The following NCOR2 variants were observed in gnomAD, a reference collection of about 807,000 sequenced individuals.
The protein encoded by NCOR2 is CTG repeat protein 26.
Under a neutral mutation model 262.9 loss-of-function variants are expected in NCOR2, and 81 were observed. That is an observed-to-expected ratio of 0.31 (90% CI 0.26 to 0.37). The LOEUF (loss-of-function observed/expected upper bound fraction) is 0.37. NCOR2 is among the 10% of genes least tolerant of loss of function. The pLI, the probability that NCOR2 is intolerant of heterozygous loss-of-function variation, is 1.00. For synonymous variants in NCOR2, 1,659 were observed against 1,559.3 expected (o/e 1.06, Z -1.51); for missense variants, 3,385 against 3,621.4 (o/e 0.93, Z 1.68).
Position 124,337,198 on chromosome 12 carries a change from G to T in NCOR2, c.5688-18C>A. 6.5e-7 allele frequency: 1 copy of T among 1,546,476 alleles called. No homozygotes were observed. Among genetic ancestry groups the T allele is most frequent in the Non-Finnish European group, 8.7e-7 (1 of 1,143,508 alleles). ...AGGTGGACCTGGGGGAGGAGAGAAGGCGGTCAGGCAGTCATGGGAGCTGCC... is the reference window on the plus strand; with the variant it reads ...AGGTGGACCTGGGGGAGGAGAGAAGTCGGTCAGGCAGTCATGGGAGCTGCC... On this transcript the variant is annotated intron_variant, in intron 37 of 46. Coordinates refer to ENST00000405201, the Ensembl canonical transcript of NCOR2.
chr12:124,360,707 C>T (rs1048898605), intron 22 of NCOR2, among the ~76,000 whole-genome samples: 51 of 152,000 alleles, frequency 3.4e-4, no homozygotes, highest in Admixed American at 2.0e-3. Context: ...TCACACACCC[C>T]GAGCGTGTTT....
At chr12:124,335,458 G>A (rs1467320823) in intron 39 of NCOR2, 25 bp downstream of exon 41, 2 of 1,595,308 alleles carry the variant, frequency 1.3e-6, no homozygotes, top group East Asian at 2.2e-5. Context: ...GGGCTTCGGG[G>A]GCCTGGGTAC....
chr12:124,492,380 G>A (rs2048136237), intron 1 of NCOR2, among the ~76,000 whole-genome samples: 1 of 152,196 alleles, frequency 6.6e-6, no homozygotes, highest in East Asian at 1.9e-4. Context: ...GAGAGGGTTC[G>A]AAGCCACACT....
chr12:124,493,783 G>A (rs1395343227), intron 1 of NCOR2, among the ~76,000 whole-genome samples: 1 of 152,184 alleles, frequency 6.6e-6, no homozygotes, highest in African/African-American at 2.4e-5. Context: ...CCCCAGGCAC[G>A]CAGTAGGTGC....
intron 1 of NCOR2, among the ~76,000 whole-genome samples, chr12:124,487,873 TAA>T (rs3040836): frequency 0.46 from 63,003 of 137,504 alleles, 14,603 homozygotes; most frequent in South Asian, 0.53. Context: ...AAACTGTGTT[TAA>T]AAAAAAAAAA....
chr12:124,346,432 C>G, intron 31 of NCOR2, 132 bp downstream of exon 33: 1 of 1,012,484 alleles, frequency 9.9e-7, no homozygotes. Flanking sequence ...CGGTGATGAG[C>G]AGCTGGGTGA....
At chr12:124,418,705 A>C (rs992552115) in intron 13 of NCOR2, among the ~76,000 whole-genome samples, 9 of 152,186 alleles carry the variant, frequency 5.9e-5, no homozygotes, top group Non-Finnish European at 1.2e-4. Context: ...AGGTTTGTCC[A>C]AAGAAGATGG....
In NCOR2 at chr12:124,332,223, C is replaced by T. The variant is rs147451299; in HGVS notation, c.6904+96G>A. The T allele has an allele frequency of 1.2e-3, 1,729 of 1,488,088 alleles. 16 individuals are homozygous for T. The highest frequency in any genetic ancestry group is 0.011 in the Middle Eastern group (48 of 4,442). The allele number at this position is 1,488,088 out of a possible 1,614,324, so 92.2% of individuals were successfully genotyped here. On this transcript the variant is annotated intron_variant, in intron 43 of 46. Coordinates refer to ENST00000405201, the Ensembl canonical transcript of NCOR2. ...GGGCCACTTAGCTTTCGAAGGTGCA[C>T]CGTGGGTTTCTGCCACTGGGCGGCT...
chr12:124,393,679 G>T (rs1434366405), intron 16 of NCOR2, among the ~76,000 whole-genome samples: 2 of 152,242 alleles, frequency 1.3e-5, no homozygotes, highest in African/African-American at 4.8e-5. Context: ...CAAGTAGAGT[G>T]CCTGGGTTCA....
chr12:124,432,324 CCT>C lies in NCOR2; in HGVS notation c.883-1539_883-1538del, dbSNP rs1272538828. Among the ~76,000 whole-genome samples, 1 of 152,202 alleles carries C rather than the reference CCT, an allele frequency of 6.6e-6. No individual in the cohort carries two copies. The highest frequency in any genetic ancestry group is 2.4e-5 in the African/African-American group (1 of 41,436). ...CCCTGAAGAAAACCCACAGACTTCC[CCT>C]GAGGACACGGTCACCTCCCTTCCTG... On this transcript the variant is annotated intron_variant, in intron 8 of 46. Coordinates refer to ENST00000405201, the Ensembl canonical transcript of NCOR2. The surrounding 1 kb of genome is among the most constrained non-coding windows in gnomAD (Gnocchi z 5.1).
upstream of NCOR2, among the ~76,000 whole-genome samples, chr12:124,498,988 C>T (rs1484680308): frequency 6.6e-6 from 1 of 152,162 alleles, no homozygotes; most frequent in Non-Finnish European, 1.5e-5. Flanking sequence ...CAGGGTGAGG[C>T]AGGAATGAGG....
chr12:124,509,058 C>G (rs1052704614), intron 1 of NCOR2, among the ~76,000 whole-genome samples: 1 of 152,152 alleles, frequency 6.6e-6, no homozygotes, highest in Admixed American at 6.5e-5. Flanking sequence ...CAGGCAGGGA[C>G]CCCAACCTGG....
chr12:124,412,194 G>A (rs2042622698), intron 13 of NCOR2, among the ~76,000 whole-genome samples: 1 of 152,246 alleles, frequency 6.6e-6, no homozygotes, highest in South Asian at 2.1e-4. Flanking sequence ...TTTAATCAAG[G>A]ACTTTCATAT....
At chr12:124,561,849 C>T (rs1199235066) in intron 1 of NCOR2, 1 of 152,130 alleles carries the variant, frequency 6.6e-6, no homozygotes, top group Non-Finnish European at 1.5e-5. Context: ...GACTCCATCT[C>T]TACAAAAAAT....
rs534005667 is a variant in NCOR2 at position 124,355,295 on chromosome 12, C to T, written c.3381+137G>A. 67 of 1,112,908 alleles carry T rather than the reference C, an allele frequency of 6.0e-5. No individual in the cohort carries two copies. In the African/African-American group the frequency reaches 1.0e-3, roughly 17 times the overall value. 68.9% of individuals were successfully genotyped at this position (1,112,908 alleles called of 1,614,324 possible). On this transcript the variant is annotated intron_variant, in intron 24 of 46. Transcript: ENST00000405201. ...AGTGCCTGGGGCAGGACCCAGCCAG[C>T]TCAGACCCCAGATGCCTGAGTGGAG... is the stretch of plus-strand genomic sequence containing the variant.
chr12:124,549,780 G>A lies in NCOR2; in HGVS notation c.-164-14169C>T, dbSNP rs143631884. ...TCAAGATAACCTTATCACGTTTCAC[G>A]GAGGGAGAGAGGGCGGCAGGAACGG... On this transcript the variant is annotated intron_variant, in intron 1 of 32. Coordinates refer to the NCOR2 transcript ENST00000458234. The surrounding 1 kb of genome is among the most constrained non-coding windows in gnomAD (Gnocchi z 4.4). Among the ~76,000 whole-genome samples the A allele has an allele frequency of 5.2e-4, 79 of 152,292 alleles. No individual in the cohort carries two copies. The East Asian group carries it at 0.014, about 26-fold the overall frequency.
intron 17 of NCOR2, among the ~76,000 whole-genome samples, chr12:124,380,442 C>T (rs903327460): frequency 9.2e-5 from 14 of 152,290 alleles, no homozygotes; most frequent in African/African-American, 2.9e-4. Flanking sequence ...CCTGCCAGTG[C>T]CCACAGGGCC....
Position 124,331,844 on chromosome 12 carries a change from G to A in NCOR2, c.6904+475C>T, listed in dbSNP as rs138891581. 50 of 163,876 alleles carry A rather than the reference G, an allele frequency of 3.1e-4. No homozygotes were observed. In the South Asian group the frequency reaches 3.7e-3, roughly 12 times the overall value. 10.2% of individuals were successfully genotyped at this position (163,876 alleles called of 1,614,324 possible). A position where few individuals can be genotyped will look rare whatever the true frequency, so the allele number is the denominator to read the frequency against. ...CTGGCAGATGAGGCTTCTTGGGGTCGGGGACTGTGACAGATTCTTTATTTG... is the reference window on the plus strand; with the variant it reads ...CTGGCAGATGAGGCTTCTTGGGGTCAGGGACTGTGACAGATTCTTTATTTG... On this transcript the variant is annotated intron_variant, in intron 43 of 46. Transcript: ENST00000405201.
At chr12:124,334,265 C>G in intron 41 of NCOR2, 159 bp downstream of exon 43, 4 of 548,972 alleles carry the variant, frequency 7.3e-6, no homozygotes, top group Non-Finnish European at 1.3e-5. Flanking sequence ...TGTATCCGCT[C>G]TGTGACTCCC....
Sources: allele counts gnomAD v4.1 joint callset (sites outside exome capture counted in the v4.1 genomes callset), GRCh38; gene constraint gnomAD v4.1.1; non-coding constraint Gnocchi (gnomAD v3.1); transcripts MANE v1.5; gene names NCBI Gene and HGNC (gene_info 2026-07-23, HGNC 2026-07-21).